Variants in NAALADL2 observed in about 807,000 individuals in gnomAD.
NAALADL2 encodes N-acetylated alpha-linked acidic dipeptidase like 2, also known as inactive N-acetylated-alpha-linked acidic dipeptidase-like protein 2.
A neutral mutation model predicts 87.2 loss-of-function variants in NAALADL2; 76 were observed. The ratio of observed to expected loss-of-function variants is 0.87; its 90% CI spans 0.72 to 1.05. The LOEUF is 1.05. Among genes scored for constraint, NAALADL2 ranks in the 50% least tolerant of loss-of-function variants. NAALADL2 has a pLI of 0.00. For missense variants in NAALADL2, 1,089 were observed against 945.8 expected (o/e 1.15, Z -1.99); for synonymous variants, 354 against 331.0 (o/e 1.07, Z -0.75).
chr3:174,811,319 A>C (rs1282038762), intron 3 of NAALADL2, among the ~76,000 whole-genome samples: 3 of 152,170 alleles, frequency 2.0e-5, no homozygotes. Context: ...GGTACTCAAC[A>C]TCAGCCCTTA....
chr3:174,660,534 T>A (rs1725405942), intron 2 of NAALADL2, among the ~76,000 whole-genome samples: 1 of 152,148 alleles, frequency 6.6e-6, no homozygotes, highest in African/African-American at 2.4e-5. Flanking sequence ...TTTTGAAAGA[T>A]CTCGCGTCCC....
chr3:175,051,508 TAGTC>T (rs1418439418), intron 1 of NAALADL2, among the ~76,000 whole-genome samples: 2 of 152,166 alleles, frequency 1.3e-5, no homozygotes, highest in Non-Finnish European at 2.9e-5. Context: ...AGGTCACAGG[TAGTC>T]CCCTGTTCCA....
chr3:175,143,678 A>G (rs1730350435), intron 2 of NAALADL2, among the ~76,000 whole-genome samples: 1 of 151,940 alleles, frequency 6.6e-6, no homozygotes, highest in Admixed American at 6.6e-5. Flanking sequence ...AAAATAATTC[A>G]TTGAATCCTA....
At chr3:175,287,187 C>T (rs1755087715) in intron 4 of NAALADL2, among the ~76,000 whole-genome samples, 1 of 151,986 alleles carries the variant, frequency 6.6e-6, no homozygotes, top group South Asian at 2.1e-4. Context: ...TAACTATTTC[C>T]CCATGAAAGT....
chr3:174,840,228 T>C (rs1158540634), intron 3 of NAALADL2, among the ~76,000 whole-genome samples: 2 of 151,814 alleles, frequency 1.3e-5, no homozygotes, highest in Non-Finnish European at 2.9e-5. Flanking sequence ...GTCTCACTTA[T>C]GCCCTTTCTT....
At chr3:175,240,387 C>T (rs1482877258) in intron 3 of NAALADL2, among the ~76,000 whole-genome samples, 2 of 152,134 alleles carry the variant, frequency 1.3e-5, no homozygotes, top group South Asian at 4.1e-4. Flanking sequence ...GGATAACCTA[C>T]AATCAGATGC....
At chr3:175,519,659 G>A (rs1227712067) in intron 9 of NAALADL2, among the ~76,000 whole-genome samples, 1 of 152,048 alleles carries the variant, frequency 6.6e-6, no homozygotes, top group Admixed American at 6.6e-5. Flanking sequence ...AATCCAAATG[G>A]TTAGAATGAC....
At chr3:174,982,858 C>A (rs2108660559) in intron 1 of NAALADL2, among the ~76,000 whole-genome samples, 1 of 152,066 alleles carries the variant, frequency 6.6e-6, no homozygotes, top group East Asian at 1.9e-4. Context: ...AGTACAGTGG[C>A]ATGATCTCCG....
At chr3:174,850,318 G>A (rs748856073) in intron 3 of NAALADL2, among the ~76,000 whole-genome samples, 5 of 151,936 alleles carry the variant, frequency 3.3e-5, no homozygotes, top group Non-Finnish European at 7.4e-5. Flanking sequence ...GCTGCTTTTA[G>A]ATTAAGTATC....
intron 3 of NAALADL2, among the ~76,000 whole-genome samples, chr3:175,239,419 A>C (rs1746452303): frequency 6.6e-6 from 1 of 152,140 alleles, no homozygotes; most frequent in Non-Finnish European, 1.5e-5. Flanking sequence ...CTTTTATGCA[A>C]TTTCTATGCA....
chr3:174,497,162 T>C (rs996984779), intron 1 of NAALADL2, among the ~76,000 whole-genome samples: 2 of 152,064 alleles, frequency 1.3e-5, no homozygotes, highest in African/African-American at 4.8e-5. Flanking sequence ...GAATCATTTC[T>C]TTTTTTTATT....
At chr3:174,778,783 C>T (rs905732443) in intron 3 of NAALADL2, among the ~76,000 whole-genome samples, 4 of 152,110 alleles carry the variant, frequency 2.6e-5, no homozygotes, top group African/African-American at 9.7e-5. Context: ...CCAGCTTCAC[C>T]CATGCCCCTG....
At position 174,469,360 on chromosome 3, in the gene NAALADL2, C is replaced by T. The variant is rs183898359; in HGVS notation, c.-184+28328C>T. 6.9e-3 allele frequency among the ~76,000 whole-genome samples: 1,047 copies of T among 151,650 alleles called. 7 individuals are homozygous for T. Among genetic ancestry groups the T allele is most frequent in the South Asian group, 0.011 (51 of 4,784 alleles). Reference sequence around the variant, plus strand: ...GCAACCTCAGCCTCCCGGGTTCAAGCGGTTCTTCTGCGTCAGCCTCCGGAA... The same window carrying T: ...GCAACCTCAGCCTCCCGGGTTCAAGTGGTTCTTCTGCGTCAGCCTCCGGAA... On this transcript the variant is annotated intron_variant, in intron 1 of 3. Coordinates refer to the NAALADL2 transcript ENST00000434257.
intron 3 of NAALADL2, among the ~76,000 whole-genome samples, chr3:174,838,951 C>T (rs757973488): frequency 6.6e-6 from 1 of 152,026 alleles, no homozygotes; most frequent in Admixed American, 6.6e-5. Flanking sequence ...CAATGCTATG[C>T]CCATCAACAC....
At chr3:175,286,437 T>C (rs1754988150) in intron 4 of NAALADL2, among the ~76,000 whole-genome samples, 3 of 152,164 alleles carry the variant, frequency 2.0e-5, no homozygotes, top group African/African-American at 7.2e-5. Context: ...CCTTGGCATT[T>C]ACCCAGAAAG....
chr3:174,776,714 A>G (rs1280679382), intron 3 of NAALADL2, among the ~76,000 whole-genome samples: 1 of 152,120 alleles, frequency 6.6e-6, no homozygotes, highest in Non-Finnish European at 1.5e-5. Flanking sequence ...AAGATATTTC[A>G]CTTATTTTCA....
chr3:174,487,953 T>C (rs1244045725), intron 1 of NAALADL2, among the ~76,000 whole-genome samples: 1 of 151,906 alleles, frequency 6.6e-6, no homozygotes, highest in African/African-American at 2.4e-5. Flanking sequence ...TATAAAAAGA[T>C]TAGTTTGGAA....
chr3:175,246,296 G>A (rs1747960126), intron 3 of NAALADL2, among the ~76,000 whole-genome samples: 1 of 152,088 alleles, frequency 6.6e-6, no homozygotes, highest in South Asian at 2.1e-4. Flanking sequence ...TTTTAGGTGA[G>A]CAATACTTGT....
chr3:174,762,933 A>G (rs1713231996), intron 3 of NAALADL2, among the ~76,000 whole-genome samples: 1 of 152,204 alleles, frequency 6.6e-6, no homozygotes, highest in Non-Finnish European at 1.5e-5. Context: ...TATAATTTAC[A>G]ACATAATATG....
Sources: allele counts gnomAD v4.1 joint callset (sites outside exome capture counted in the v4.1 genomes callset), GRCh38; gene constraint gnomAD v4.1.1; transcripts MANE v1.5; gene names NCBI Gene and HGNC (gene_info 2026-07-23, HGNC 2026-07-21).